Variants in TMEM231 observed in about 807,000 individuals in gnomAD.
TMEM231 encodes transmembrane protein 231.
In TMEM231, 40 loss-of-function variants were observed where a neutral mutation model predicts 38.5. The ratio of observed to expected loss-of-function variants is 1.04; its 90% confidence interval spans 0.81 to 1.35. The LOEUF is 1.35. TMEM231 is among the 40% of genes most tolerant of loss of function. The pLI, the probability that TMEM231 is intolerant of heterozygous loss-of-function variation, is 0.00. For missense variants in TMEM231, 420 were observed against 416.9 expected (o/e 1.01, Z -0.07); for synonymous variants, 199 against 181.7 (o/e 1.10, Z -0.77).
intron 2 of TMEM231, among the ~76,000 whole-genome samples, chr16:75,551,578 C>A (rs557289550): frequency 9.1e-4 from 139 of 152,312 alleles, no homozygotes; most frequent in African/African-American, 3.3e-3. Context: ...AACTATGACA[C>A]TTTTCTAATC....
rs563471373 is a variant in TMEM231 at position 75,548,120 on chromosome 16, T to C, written c.310-2166A>G. 1.9e-4 allele frequency among the ~76,000 whole-genome samples: 29 copies of C among 152,344 alleles called. No homozygotes were observed. In the South Asian group the frequency reaches 6.0e-3, roughly 32 times the overall value. On this transcript the variant is annotated intron_variant, in intron 2 of 6. Coordinates refer to ENST00000258173, the MANE Select transcript of TMEM231 (RefSeq NM_001077418.3). ...TCAAGGATGAGTGAGATTAGGGCAT[T>C]TATCAGAGGTACAGCAAGTAATGGT...
intron 5 of TMEM231, chr16:75,541,804 T>C (rs2080631219): frequency 1.2e-5 from 2 of 160,588 alleles, no homozygotes; most frequent in Admixed American, 6.4e-5. Context: ...GTAACTTGGA[T>C]CCCAATGTGT....
chr16:75,553,113 C>T (rs1327063020), intron 2 of TMEM231, among the ~76,000 whole-genome samples: 2 of 152,172 alleles, frequency 1.3e-5, no homozygotes, highest in Non-Finnish European at 2.9e-5. Context: ...AGCATTTCCC[C>T]CAATTAGCCA....
intron 4 of TMEM231, among the ~76,000 whole-genome samples, chr16:75,544,949 CTTTTTTT>C (rs71134720): frequency 1.1e-5 from 1 of 89,622 alleles, no homozygotes; most frequent in Non-Finnish European, 2.4e-5. Context: ...TTTTCTTTTT[CTTTTTTT>C]TTTTTTTTTT....
intron 2 of TMEM231, 129 bp downstream of exon 2, chr16:75,555,674 CG>C: frequency 1.1e-6 from 1 of 930,828 alleles, no homozygotes; most frequent in Admixed American, 3.4e-5. Context: ...GCCACCTTTG[CG>C]GGTTCGCGAG....
intron 2 of TMEM231, among the ~76,000 whole-genome samples, chr16:75,551,829 G>A (rs2080765243): frequency 1.3e-5 from 2 of 151,996 alleles, no homozygotes; most frequent in Non-Finnish European, 2.9e-5. Context: ...GGCCGTGGTG[G>A]TGCCTGCCTG....
At chr16:75,551,360 G>A (rs955474583) in intron 2 of TMEM231, among the ~76,000 whole-genome samples, 3 of 151,998 alleles carry the variant, frequency 2.0e-5, no homozygotes, top group Admixed American at 2.0e-4. Context: ...ACTACCCCTG[G>A]CTAATTTTTA....
chr16:75,543,839 C>T (rs1244363029), intron 4 of TMEM231, among the ~76,000 whole-genome samples: 1 of 152,182 alleles, frequency 6.6e-6, no homozygotes, highest in Non-Finnish European at 1.5e-5. Flanking sequence ...CTATTCTTTA[C>T]AACTTATATT....
intron 5 of TMEM231, chr16:75,542,011 CTGTGTA>C (rs1255580462): frequency 6.5e-6 from 1 of 154,252 alleles, no homozygotes; most frequent in East Asian, 1.9e-4. Flanking sequence ...TGTGAGACGT[CTGTGTA>C]TAGTCTCCAT....
Position 75,556,052 on chromosome 16 carries a change from G to T in TMEM231, c.139+19C>A. 1 of 1,564,736 alleles carries T rather than the reference G, an allele frequency of 6.4e-7. No individual in the cohort carries two copies. Among genetic ancestry groups the T allele is most frequent in the South Asian group, 1.2e-5 (1 of 85,600 alleles). On this transcript the variant is annotated intron_variant, in intron 1 of 6. Transcript: ENST00000258173. ...CGCGCCCGGGGAGCCTCGTGGCACAGCGGCCGGGGCAGGCTCACCGTGGCT... is the reference window on the plus strand; with the variant it reads ...CGCGCCCGGGGAGCCTCGTGGCACATCGGCCGGGGCAGGCTCACCGTGGCT...
intron 2 of TMEM231, among the ~76,000 whole-genome samples, chr16:75,551,117 ACT>A (rs1222913499): frequency 6.6e-6 from 1 of 151,918 alleles, no homozygotes; most frequent in Admixed American, 6.6e-5. Flanking sequence ...AGCTAAAAAT[ACT>A]CTTTGGCACC....
chr16:75,547,441 T>C (rs2080706181), intron 2 of TMEM231, among the ~76,000 whole-genome samples: 1 of 152,246 alleles, frequency 6.6e-6, no homozygotes, highest in Non-Finnish European at 1.5e-5. Context: ...ATACTTCCTC[T>C]CTGCCCTGTT....
rs544003852 is a variant in TMEM231, at chr16:75,537,180, T to C, written c.*2814A>G. ...AAGAAAAACCACCTACTGGGTACTA[T>C]GCTTATTACGTGGGTGATGAAATAA... On this transcript the variant is annotated 3_prime_UTR_variant, in exon 7 of 7. Transcript: ENST00000258173. 1.3e-5 allele frequency: 2 copies of C among 151,280 alleles called. No individual in the cohort carries two copies. Among genetic ancestry groups the C allele is most frequent in the Admixed American group, 1.3e-4 (2 of 15,206 alleles). 9.4% of individuals were successfully genotyped at this position (151,280 alleles called of 1,614,324 possible).
chr16:75,538,166 G>T lies in TMEM231; in HGVS notation c.*1828C>A, dbSNP rs1359300711. ...TTATTTATTTATTTTAACAGATAGG[G>T]TCTCACTCTGTCACCCAGGCTACAG... On this transcript the variant is annotated 3_prime_UTR_variant, in exon 7 of 7. Transcript: ENST00000258173. 6.6e-6 allele frequency: 1 copy of T among 151,700 alleles called. No homozygotes were observed. The highest frequency in any genetic ancestry group is 1.5e-5 in the Non-Finnish European group (1 of 67,974). 9.4% of individuals were successfully genotyped at this position (151,700 alleles called of 1,614,324 possible). A position where few individuals can be genotyped will look rare whatever the true frequency, so the allele number is the denominator to read the frequency against.
chr16:75,545,860 A>G lies in TMEM231; in HGVS notation c.404T>C (p.Val135Ala), dbSNP rs1449110160. 1 of 1,409,054 alleles carries G rather than the reference A, an allele frequency of 7.1e-7. No individual in the cohort carries two copies. The highest frequency in any genetic ancestry group is 2.6e-5 in the East Asian group (1 of 39,182). 87.3% of individuals were successfully genotyped at this position (1,409,054 alleles called of 1,614,324 possible). A position where few individuals can be genotyped will look rare whatever the true frequency, so the allele number is the denominator to read the frequency against. ...ATAGGAGAAAGTCAGGATGAGCTGC[A>G]CACCGAGAACGTGCTCCGTGGACTG... ...PLQSTEHVLG[V>A]QLILTFSYRL... Residue 135 changes from valine to alanine, a missense_variant, in exon 3 of 7, where the codon GTG becomes GCG. By Grantham distance (64) the Val-to-Ala change is moderately conservative (BLOSUM62 0). Transcript: ENST00000258173.
intron 2 of TMEM231, 199 bp from the exon 3 acceptor site, chr16:75,546,153 A>T: frequency 4.0e-6 from 6 of 1,503,940 alleles, no homozygotes; most frequent in Non-Finnish European, 5.4e-6. Context: ...CCTGAACTTC[A>T]TATCTGGGCC....
chr16:75,548,989 A>G (rs1008072162), intron 2 of TMEM231, among the ~76,000 whole-genome samples: 2 of 152,176 alleles, frequency 1.3e-5, no homozygotes, highest in Non-Finnish European at 2.9e-5. Flanking sequence ...CTCAGAGAGG[A>G]GGGATCCAGG....
intron 2 of TMEM231, chr16:75,554,862 C>T (rs759417555): frequency 3.9e-5 from 6 of 152,084 alleles, no homozygotes. Context: ...TGGCAAAAGC[C>T]GCAATGACTT....
chr16:75,545,406 C>T lies in TMEM231; in HGVS notation c.528G>A (p.Leu176=). Residue 176 remains leucine (L), a synonymous_variant, in exon 4 of 7, where the codon CTG becomes CTA. Transcript: ENST00000258173. Reference sequence around the variant, plus strand: ...TCAGCGGCTGCTTCTGCTGCAGCCTCAGGTCTCCGTTCACGTATAACTGGG... The same window carrying T: ...TCAGCGGCTGCTTCTGCTGCAGCCTTAGGTCTCCGTTCACGTATAACTGGG... ...PGSQLYVNGD[L]RLQQKQPLSC... 1 of 1,612,250 alleles carries T rather than the reference C, an allele frequency of 6.2e-7. No individual in the cohort carries two copies. Among genetic ancestry groups the T allele is most frequent in the African/African-American group, 1.3e-5 (1 of 74,724 alleles).
Sources: allele counts gnomAD v4.1 joint callset (sites outside exome capture counted in the v4.1 genomes callset), GRCh38; gene constraint gnomAD v4.1.1; transcripts MANE v1.5; gene names NCBI Gene and HGNC (gene_info 2026-07-23, HGNC 2026-07-21).